Variants in ABR observed in about 807,000 individuals in gnomAD.
ABR encodes ABR activator of RhoGEF and GTPase, also known as active breakpoint cluster region-related protein.
Under a neutral mutation model 107.2 loss-of-function variants are expected in ABR, and 35 were observed. The ratio of observed to expected loss-of-function variants is 0.33; its 90% CI spans 0.25 to 0.43. The LOEUF (loss-of-function observed/expected upper bound fraction) is 0.43, where lower values mean the gene tolerates loss of function less well. Ranked by LOEUF, ABR falls within the 20% of genes least tolerant of loss-of-function variation. The pLI is 1.00. For synonymous variants in ABR, 498 were observed against 462.0 expected, an observed-to-expected ratio of 1.08 and a Z score of -1.00; for missense variants, 815 against 1,115.2, an observed-to-expected ratio of 0.73 and a Z score of 3.83.
intron 1 of ABR, among the ~76,000 whole-genome samples, chr17:1,151,745 G>A (rs960159021): frequency 1.3e-5 from 2 of 152,174 alleles, no homozygotes; most frequent in Admixed American, 6.5e-5. Flanking sequence ...TGCCCGATCC[G>A]GCTCTTCTGC....
chr17:1,134,104 AC>A (rs765418823), intron 1 of ABR, among the ~76,000 whole-genome samples: 10 of 152,000 alleles, frequency 6.6e-5, no homozygotes, highest in Non-Finnish European at 1.3e-4. Flanking sequence ...AGATGGTGAA[AC>A]CCCATCTCTA....
chr17:1,031,378 G>A (rs2072729310), intron 16 of ABR, among the ~76,000 whole-genome samples: 1 of 152,350 alleles, frequency 6.6e-6, no homozygotes, highest in South Asian at 2.1e-4. Context: ...CCGAGGCAGG[G>A]GCAGATGCCC....
At position 1,210,132 on chromosome 17, in the gene ABR, T is replaced by C. The variant is rs2042873665; in HGVS notation, c.838+18661A>G. Among the ~76,000 whole-genome samples the C allele has an allele frequency of 6.6e-6, 1 of 152,134 alleles. No individual in the cohort carries two copies. The highest frequency in any genetic ancestry group is 1.5e-5 in the Non-Finnish European group (1 of 68,040). The stretch of plus-strand genomic sequence containing the variant: ...TAGAGAGACAGGGAGAAAGTAGAGG[T>C]AGAAAGTAACAGAATCTAGAGAGGC... On this transcript the variant is annotated intron_variant, in intron 1 of 22. Transcript: ENST00000574139. This position sits in a 1 kb window ranked among gnomAD's most constrained non-coding sequence, Gnocchi z 5.6.
At chr17:1,125,614 C>T in intron 1 of ABR, 1 of 365,464 alleles carries the variant, frequency 2.7e-6, no homozygotes, top group Non-Finnish European at 4.8e-6. Context: ...CTGTTGCTAC[C>T]CGATGAAGAG....
At chr17:1,207,424 C>A (rs184690970) in intron 1 of ABR, among the ~76,000 whole-genome samples, 2 of 151,590 alleles carry the variant, frequency 1.3e-5, no homozygotes, top group Non-Finnish European at 2.9e-5. Flanking sequence ...CTGAGGCGGG[C>A]GGATCACCTG....
At chr17:1,160,786 C>G (rs1428981025) in intron 1 of ABR, among the ~76,000 whole-genome samples, 2 of 152,208 alleles carry the variant, frequency 1.3e-5, no homozygotes, top group Non-Finnish European at 2.9e-5. Flanking sequence ...TGGGGGAGGA[C>G]AGACGTGGCG....
chr17:1,147,339 CAGT>C (rs930125825), intron 1 of ABR, among the ~76,000 whole-genome samples: 1 of 150,238 alleles, frequency 6.7e-6, no homozygotes, highest in African/African-American at 2.4e-5. Context: ...AGGATTTCAG[CAGT>C]AATTTGTGGG....
intron 16 of ABR, among the ~76,000 whole-genome samples, chr17:1,018,551 A>G (rs1282276879): frequency 1.3e-5 from 2 of 152,106 alleles, no homozygotes; most frequent in African/African-American, 4.8e-5. Flanking sequence ...CTTCTGCAGG[A>G]AGCTGAGCCA....
chr17:1,012,643 C>G, intron 18 of ABR, 45 bp downstream of exon 18: 1 of 1,466,180 alleles, frequency 6.8e-7, no homozygotes, highest in East Asian at 2.5e-5. Flanking sequence ...TGGGGGGGAC[C>G]CGGGGCACCG....
Position 1,027,711 on chromosome 17 carries a change from C to A in ABR, c.1792-14547G>T, listed in dbSNP as rs7210794. 0.65 allele frequency among the ~76,000 whole-genome samples: 98,210 copies of A among 151,568 alleles called. 34,019 individuals are homozygous for A. Among genetic ancestry groups the A allele is most frequent in the Non-Finnish European group, 0.76 (51,334 of 67,834 alleles). On this transcript the variant is annotated intron_variant, in intron 16 of 22. Coordinates refer to ENST00000302538, the MANE Select transcript of ABR (RefSeq NM_021962.5). This position sits in a 1 kb window ranked among gnomAD's most constrained non-coding sequence, Gnocchi z 4.7. ...CCTCCAGCTCTCGGGGGAGGCAGCA[C>A]TGTAGTCCCCTGTCTGTGGCTGAGG...
Position 1,033,969 on chromosome 17 carries a change from A to ATTT in ABR, c.1791+16078_1791+16080dup, listed in dbSNP as rs560978094. Among the ~76,000 whole-genome samples the ATTT allele has an allele frequency of 3.6e-3, 448 of 124,578 alleles. 10 individuals carry two copies. Among genetic ancestry groups the ATTT allele is most frequent in the African/African-American group, 0.013 (421 of 31,682 alleles). 81.7% of individuals were successfully genotyped at this position (124,578 alleles called of 152,430 possible). A position where few individuals can be genotyped will look rare whatever the true frequency, so the allele number is the denominator to read the frequency against. ...CCCACTGCTTGGTCCCACTCATGTC[A>ATTT]TTTTTTTTTTTTTTTTTTTGAGGCA... On this transcript the variant is annotated intron_variant, in intron 16 of 22. Transcript: ENST00000302538.
chr17:1,018,200 C>G (rs12603911), intron 16 of ABR, among the ~76,000 whole-genome samples: 2,965 of 151,948 alleles, frequency 0.02, 72 homozygotes, highest in East Asian at 0.11. Flanking sequence ...CCGCCACCAC[C>G]CCCGGCTAAT....
chr17:1,218,698 G>C (rs1055245113), intron 1 of ABR, among the ~76,000 whole-genome samples: 4 of 152,136 alleles, frequency 2.6e-5, no homozygotes, highest in Non-Finnish European at 5.9e-5. Context: ...ATAGTCAGCT[G>C]TCCCCAAATT....
intron 16 of ABR, among the ~76,000 whole-genome samples, chr17:1,015,344 A>T (rs2071060569): frequency 6.7e-6 from 1 of 148,348 alleles, no homozygotes; most frequent in South Asian, 2.2e-4. Context: ...GCTTGAACCC[A>T]GGAGGTGGAG....
chr17:1,125,143 AC>A, intron 2 of ABR, 39 bp downstream of exon 2: 1 of 1,526,408 alleles, frequency 6.6e-7, no homozygotes, highest in Non-Finnish European at 8.8e-7. Flanking sequence ...CCTTCCCGTC[AC>A]CCCTCCCCAA....
rs2041772116 is a variant in ABR, at chr17:1,172,957, CCATCACCTCAGCCCACCCAACA to C, written c.61+6688_61+6709del. Reference sequence around the variant, plus strand: ...GAACAGAGCAGGTAATCCACCCCCCCCATCACCTCAGCCCACCCAACACATCACCTCAGTCCACCCAACACAT... The same window carrying C: ...GAACAGAGCAGGTAATCCACCCCCCCCATCACCTCAGTCCACCCAACACAT... On this transcript the variant is annotated intron_variant, in intron 1 of 22. Transcript: ENST00000302538. 3.6e-5 allele frequency among the ~76,000 whole-genome samples: 4 copies of C among 110,304 alleles called. No homozygotes were observed. In the South Asian group the frequency reaches 9.3e-4, roughly 26 times the overall value. The allele number at this position is 110,304 out of a possible 152,430, so 72.4% of individuals were successfully genotyped here.
rs1315281271 is a variant in ABR, at chr17:1,037,139, G to A, written c.1791+12911C>T. On this transcript the variant is annotated intron_variant, in intron 16 of 22. Transcript: ENST00000302538. The surrounding 1 kb of genome is among the most constrained non-coding windows in gnomAD (Gnocchi z 4.6). ...CCCACCCATCCATCCAGGTGGGGCT[G>A]GGAGAGGGGTCCAGGGTGGGCTCAA... 2.0e-5 allele frequency among the ~76,000 whole-genome samples: 3 copies of A among 151,986 alleles called. No homozygotes were observed. The highest frequency in any genetic ancestry group is 4.1e-4 in the South Asian group (2 of 4,824).
In ABR at chr17:1,226,888, A is replaced by G. The variant is rs553644107; in HGVS notation, c.838+1905T>C. Among the ~76,000 whole-genome samples the G allele has an allele frequency of 1.1e-3, 158 of 150,140 alleles. 1 individual carries two copies. Among genetic ancestry groups the G allele is most frequent in the African/African-American group, 3.6e-3 (148 of 40,706 alleles). On this transcript the variant is annotated intron_variant, in intron 1 of 22. Transcript: ENST00000574139. Reference sequence around the variant, plus strand: ...CTGCTATGCATTTATGTGTGCATGCATGTAACCAAGTGCAAGTCCACCCCC... The same window carrying G: ...CTGCTATGCATTTATGTGTGCATGCGTGTAACCAAGTGCAAGTCCACCCCC...
At chr17:1,091,303 C>T (rs907733075) in intron 4 of ABR, among the ~76,000 whole-genome samples, 4 of 151,968 alleles carry the variant, frequency 2.6e-5, no homozygotes, top group South Asian at 2.1e-4. Context: ...GAGGGAGCAC[C>T]GTCCGGGAAA....
Sources: gnomAD v4.1 joint callset for allele counts (sites outside exome capture counted in the v4.1 genomes callset) on GRCh38, gnomAD v4.1.1 for gene constraint, Gnocchi (gnomAD v3.1) non-coding constraint, MANE v1.5 for transcripts, NCBI Gene and HGNC (gene_info 2026-07-23, HGNC 2026-07-21) for gene names.